PEBP4: variants seen among roughly 807,000 people sequenced by gnomAD.
The protein encoded by PEBP4 is phosphatidylethanolamine binding protein 4.
A neutral mutation model predicts 23.9 loss-of-function variants in PEBP4; 22 were observed. The ratio of observed to expected loss-of-function variants is 0.92; its 90% CI spans 0.66 to 1.31. The LOEUF (loss-of-function observed/expected upper bound fraction) is 1.31, where lower values mean the gene tolerates loss of function less well. Among genes scored for constraint, PEBP4 ranks in the 40% most tolerant of loss-of-function variants. The pLI, the probability that PEBP4 is intolerant of heterozygous loss-of-function variation, is 0.00. For missense variants in PEBP4, 324 were observed against 281.7 expected, an observed-to-expected ratio of 1.15 and a Z score of -1.07; for synonymous variants, 112 against 99.3, an observed-to-expected ratio of 1.13 and a Z score of -0.76.
intron 3 of PEBP4, among the ~76,000 whole-genome samples, chr8:22,878,414 G>T (rs1808174567): frequency 6.6e-6 from 1 of 152,318 alleles, no homozygotes; most frequent in South Asian, 2.1e-4. Flanking sequence ...GGCTCTGAGA[G>T]GTGGCAGGAC....
chr8:22,924,751 G>A, intron 2 of PEBP4: 1 of 985,386 alleles, frequency 1.0e-6, no homozygotes, highest in Non-Finnish European at 1.2e-6. Flanking sequence ...CTGGCTGCAG[G>A]TTTGGAGAAT....
rs1807999167 is a variant in PEBP4, at chr8:22,871,147, A to C, written c.258+49037T>G. Among the ~76,000 whole-genome samples, 4 of 152,272 alleles carry C rather than the reference A, an allele frequency of 2.6e-5. No homozygotes were observed. In the East Asian group the frequency reaches 7.7e-4, roughly 29 times the overall value. ...AGGGGTCGGGGGTGGGTGGAAAAAG[A>C]AGCAGGAAGAGCTGGGATAGGTGAC... On this transcript the variant is annotated intron_variant, in intron 3 of 6. Coordinates refer to ENST00000256404, the MANE Select transcript of PEBP4 (RefSeq NM_144962.3).
chr8:22,851,097 G>C (rs1807540633), intron 3 of PEBP4, among the ~76,000 whole-genome samples: 1 of 152,206 alleles, frequency 6.6e-6, no homozygotes, highest in Non-Finnish European at 1.5e-5. Context: ...ACCTGGAAAG[G>C]CAGCCTCTTT....
chr8:22,730,893 C>G (rs924881305), intron 4 of PEBP4, among the ~76,000 whole-genome samples: 1 of 152,148 alleles, frequency 6.6e-6, no homozygotes, highest in Admixed American at 6.5e-5. Context: ...CAGGACTGAC[C>G]GATGAGGGAA....
At chr8:22,753,749 C>T (rs1325920981) in intron 4 of PEBP4, among the ~76,000 whole-genome samples, 1 of 152,208 alleles carries the variant, frequency 6.6e-6, no homozygotes, top group East Asian at 1.9e-4. Flanking sequence ...TGGTGGCCGC[C>T]TCAACATTGG....
intron 4 of PEBP4, among the ~76,000 whole-genome samples, chr8:22,816,431 G>A (rs568630469): frequency 6.6e-6 from 1 of 152,320 alleles, no homozygotes; most frequent in South Asian, 2.1e-4. Context: ...CAGTGGCTGC[G>A]AAAACCCTGC....
chr8:22,831,965 A>T (rs993156063), intron 3 of PEBP4, among the ~76,000 whole-genome samples: 7 of 150,048 alleles, frequency 4.7e-5, no homozygotes, highest in African/African-American at 1.7e-4. Flanking sequence ...GGGCGGGGGC[A>T]GGGGCAGGGG....
At chr8:22,789,433 C>T (rs1269338379) in intron 4 of PEBP4, among the ~76,000 whole-genome samples, 1 of 152,126 alleles carries the variant, frequency 6.6e-6, no homozygotes, top group Non-Finnish European at 1.5e-5. Flanking sequence ...TAGGGTCGTC[C>T]AACCTTCAGT....
chr8:22,731,596 C>T (rs1478564083), intron 4 of PEBP4, among the ~76,000 whole-genome samples: 1 of 146,180 alleles, frequency 6.8e-6, no homozygotes, highest in Non-Finnish European at 1.5e-5. Flanking sequence ...TTGGGGGTGG[C>T]ACCCATACGC....
At chr8:22,787,222 A>T (rs1318366156) in intron 4 of PEBP4, among the ~76,000 whole-genome samples, 2 of 152,154 alleles carry the variant, frequency 1.3e-5, no homozygotes, top group Non-Finnish European at 2.9e-5. Flanking sequence ...GGGTGGTAGG[A>T]TTTGCACAGG....
At chr8:22,791,908 C>A (rs995995492) in intron 4 of PEBP4, among the ~76,000 whole-genome samples, 1 of 151,800 alleles carries the variant, frequency 6.6e-6, no homozygotes, top group Non-Finnish European at 1.5e-5. Context: ...CCAGGCTGGA[C>A]TGCAGTGGTG....
chr8:22,890,220 G>C (rs558558325), intron 3 of PEBP4, among the ~76,000 whole-genome samples: 17 of 152,328 alleles, frequency 1.1e-4, no homozygotes, highest in Non-Finnish European at 1.8e-4. Flanking sequence ...ACATCCAAGA[G>C]AGAAACTGCA....
intron 3 of PEBP4, among the ~76,000 whole-genome samples, chr8:22,862,288 A>G (rs1040929774): frequency 2.0e-5 from 3 of 152,196 alleles, no homozygotes; most frequent in Admixed American, 1.3e-4. Context: ...TCTTCCAGCT[A>G]TAACATTCTA....
intron 4 of PEBP4, among the ~76,000 whole-genome samples, chr8:22,752,125 G>A (rs894275187): frequency 6.6e-6 from 1 of 151,914 alleles, no homozygotes; most frequent in Non-Finnish European, 1.5e-5. Flanking sequence ...GGTTGGTCTC[G>A]AACTCACTCC....
chr8:22,727,791 A>G (rs1195374524), intron 4 of PEBP4, among the ~76,000 whole-genome samples: 1 of 152,156 alleles, frequency 6.6e-6, no homozygotes, highest in East Asian at 1.9e-4. Flanking sequence ...CCCCACCCTC[A>G]GTTAACTCAG....
At chr8:22,810,351 A>C (rs556979957) in intron 4 of PEBP4, among the ~76,000 whole-genome samples, 1 of 152,292 alleles carries the variant, frequency 6.6e-6, no homozygotes, top group East Asian at 1.9e-4. Context: ...CAATGCAAAC[A>C]GATAGAACTT....
intron 1 of PEBP4, among the ~76,000 whole-genome samples, chr8:22,938,405 C>T (rs566511747): frequency 2.6e-5 from 4 of 152,206 alleles, no homozygotes; most frequent in Non-Finnish European, 4.4e-5. Context: ...GCTATTTAAA[C>T]ATCACTTCCT....
At chr8:22,736,023 C>A (rs1333178311) in intron 4 of PEBP4, among the ~76,000 whole-genome samples, 3 of 152,188 alleles carry the variant, frequency 2.0e-5, no homozygotes, top group African/African-American at 7.2e-5. Context: ...AGTTTCTTGT[C>A]ACACAGATGG....
intron 3 of PEBP4, among the ~76,000 whole-genome samples, chr8:22,828,869 T>TCAACCATCGACTTCCATAGCTACAC (rs1304639534): frequency 2.0e-5 from 3 of 152,064 alleles, no homozygotes; most frequent in African/African-American, 7.2e-5. Context: ...CCTCTCTATC[T>TCAACCATCGACTTCCATAGCTACAC]CAACCATCGA....
Sources: gnomAD v4.1 joint callset for allele counts (sites outside exome capture counted in the v4.1 genomes callset) on GRCh38, gnomAD v4.1.1 for gene constraint, MANE v1.5 for transcripts, NCBI Gene and HGNC (gene_info 2026-07-23, HGNC 2026-07-21) for gene names.